Variants in TENM3 observed in about 807,000 individuals in gnomAD.
TENM3 encodes the protein teneurin transmembrane protein 3.
In TENM3, 63 loss-of-function variants were observed where a neutral mutation model predicts 255.1. The ratio of observed to expected loss-of-function variants is 0.25; its 90% confidence interval spans 0.20 to 0.30. The LOEUF is 0.30. Among genes scored for constraint, TENM3 ranks in the 10% least tolerant of loss-of-function variants. The probability of loss-of-function intolerance (pLI) is 1.00; values close to 1 mark genes in which losing one functional copy is unlikely to be tolerated. For missense variants in TENM3, 2,929 were observed against 3,461.1 expected (o/e 0.85, Z 3.86); for synonymous variants, 1,306 against 1,322.3 (o/e 0.99, Z 0.27).
chr4:181,490,712 T>A, the TENM3 span, among the ~76,000 whole-genome samples: 15 of 152,310 alleles, frequency 9.8e-5, no homozygotes, highest in Middle Eastern at 3.4e-3. Flanking sequence ...TATAATAATG[T>A]CAGTGCTTAT....
At chr4:182,583,798 A>G (rs750064011) in intron 3 of TENM3, among the ~76,000 whole-genome samples, 3 of 152,168 alleles carry the variant, frequency 2.0e-5, no homozygotes, top group Non-Finnish European at 2.9e-5. Flanking sequence ...TTATCATTTA[A>G]TTGTTAGCAT....
chr4:182,589,163 C>G (rs894871030), intron 3 of TENM3, among the ~76,000 whole-genome samples: 1 of 152,062 alleles, frequency 6.6e-6, no homozygotes, highest in African/African-American at 2.4e-5. Flanking sequence ...TCTATTCTTG[C>G]CTTCTAGAAC....
At chr4:182,388,251 G>A (rs145978635) in intron 3 of TENM3, among the ~76,000 whole-genome samples, 319 of 152,124 alleles carry the variant, frequency 2.1e-3, no homozygotes, top group African/African-American at 7.3e-3. Flanking sequence ...TCTCCTTGAC[G>A]TAGCAGTCCC....
rs954158613 is a variant in TENM3, at chr4:182,744,087, T to C, written c.3629+668T>C. 4 of 859,288 alleles carry C rather than the reference T, an allele frequency of 4.7e-6. No homozygotes were observed. The African/African-American group carries it at 7.7e-5, about 16-fold the overall frequency. The allele number at this position is 859,288 out of a possible 1,614,324, so 53.2% of individuals were successfully genotyped here. On this transcript the variant is annotated intron_variant, in intron 19 of 27. Transcript: ENST00000511685. ...ATATTTTAGAAGGCTTTTCTAACTGTGCTTTCTTTTTTTTTTTTTTTTTTT... is the reference window on the plus strand; with the variant it reads ...ATATTTTAGAAGGCTTTTCTAACTGCGCTTTCTTTTTTTTTTTTTTTTTTT...
chr4:181,826,676 G>A, the TENM3 span, among the ~76,000 whole-genome samples: 8 of 152,288 alleles, frequency 5.3e-5, 1 homozygote, highest in South Asian at 6.2e-4. Context: ...GTAAAGCAGC[G>A]AATCTTAACC....
At chr4:182,580,924 A>G (rs181215578) in intron 3 of TENM3, among the ~76,000 whole-genome samples, 1 of 152,334 alleles carries the variant, frequency 6.6e-6, no homozygotes, top group East Asian at 1.9e-4. Flanking sequence ...TAAGAATACT[A>G]ATTATCTTGC....
At chr4:182,786,760 A>ATGGGCAAACACATGGGCAAACACG (rs1339200440) in intron 24 of TENM3, among the ~76,000 whole-genome samples, 1 of 152,086 alleles carries the variant, frequency 6.6e-6, no homozygotes, top group East Asian at 1.9e-4. Flanking sequence ...ATGCAAACAC[A>ATGGGCAAACACATGGGCAAACACG]TGGGCAATAA....
At chr4:182,778,827 A>G (rs1439122964) in intron 24 of TENM3, among the ~76,000 whole-genome samples, 1 of 151,992 alleles carries the variant, frequency 6.6e-6, no homozygotes, top group African/African-American at 2.4e-5. Flanking sequence ...ATACACAACA[A>G]ATGGATTCAT....
intron 12 of TENM3, among the ~76,000 whole-genome samples, chr4:182,694,728 C>T (rs1353429985): frequency 6.6e-6 from 1 of 152,184 alleles, no homozygotes; most frequent in East Asian, 1.9e-4. Flanking sequence ...AACACCAGGG[C>T]TGCCCTTGGG....
chr4:182,005,976 T>C, the TENM3 span, among the ~76,000 whole-genome samples: 1 of 152,248 alleles, frequency 6.6e-6, no homozygotes, highest in East Asian at 1.9e-4. Context: ...GCTGAGACAA[T>C]GGGGTTTTCT....
the TENM3 span, among the ~76,000 whole-genome samples, chr4:181,771,992 A>AT: frequency 3.3e-5 from 5 of 152,114 alleles, no homozygotes; most frequent in Admixed American, 6.6e-5. Flanking sequence ...AGGTGCTGAG[A>AT]TTTTTTTTAA....
At chr4:181,691,004 T>C in the TENM3 span, among the ~76,000 whole-genome samples, 1 of 152,208 alleles carries the variant, frequency 6.6e-6, no homozygotes, top group African/African-American at 2.4e-5. Context: ...GAATGCTCTA[T>C]GCATCTGCAT....
At chr4:182,390,764 T>C (rs866900314) in intron 3 of TENM3, among the ~76,000 whole-genome samples, 6 of 152,186 alleles carry the variant, frequency 3.9e-5, no homozygotes, top group South Asian at 2.1e-4. Context: ...TGACTTTTTT[T>C]CCACAAGGCT....
chr4:181,788,728 G>A, the TENM3 span, among the ~76,000 whole-genome samples: 1 of 152,062 alleles, frequency 6.6e-6, no homozygotes, highest in African/African-American at 2.4e-5. Flanking sequence ...AAGTTGTTAG[G>A]ACTATACTAC....
intron 22 of TENM3, among the ~76,000 whole-genome samples, chr4:182,766,665 C>G (rs867113756): frequency 1.9e-4 from 29 of 152,088 alleles, no homozygotes; most frequent in African/African-American, 6.8e-4. Context: ...TTCAAAAGGG[C>G]TGGACCAGAG....
intron 18 of TENM3, among the ~76,000 whole-genome samples, chr4:182,740,744 G>A (rs1294653699): frequency 6.6e-6 from 1 of 152,136 alleles, no homozygotes; most frequent in Non-Finnish European, 1.5e-5. Flanking sequence ...ATATGTAGAT[G>A]TTCTGTATAT....
chr4:181,578,145 A>T, the TENM3 span, among the ~76,000 whole-genome samples: 3 of 152,196 alleles, frequency 2.0e-5, no homozygotes. Context: ...GTGAGCAGGG[A>T]ACAAGTGGAA....
chr4:182,773,447 C>T (rs1254174146), intron 22 of TENM3, 25 bp from the exon 23 acceptor site: 1 of 1,569,138 alleles, frequency 6.4e-7, no homozygotes, highest in South Asian at 1.2e-5. Context: ...CTATTTAACA[C>T]CAAGTTAATG....
the TENM3 span, among the ~76,000 whole-genome samples, chr4:181,605,833 T>A: frequency 6.6e-6 from 1 of 152,202 alleles, no homozygotes; most frequent in Non-Finnish European, 1.5e-5. Flanking sequence ...AATCTTTTGA[T>A]AGTATTGGGC....
Sources: gnomAD v4.1 joint callset for allele counts (sites outside exome capture counted in the v4.1 genomes callset) on GRCh38, gnomAD v4.1.1 for gene constraint, MANE v1.5 for transcripts, NCBI Gene and HGNC (gene_info 2026-07-23, HGNC 2026-07-21) for gene names.